FOXP2: variants seen among roughly 807,000 people sequenced by gnomAD.
The protein encoded by FOXP2 is forkhead box protein P2.
FOXP2 carries 12 observed loss-of-function variants against 115.8 expected under a neutral mutation model. That is an observed-to-expected ratio of 0.10 (90% confidence interval 0.07 to 0.17). FOXP2 has a LOEUF of 0.17. Among genes scored for constraint, FOXP2 ranks in the 10% least tolerant of loss-of-function variants. The probability of loss-of-function intolerance (pLI) is 1.00; values close to 1 mark genes in which losing one functional copy is unlikely to be tolerated. For synonymous variants in FOXP2, 328 were observed against 297.7 expected (o/e 1.10, Z -1.05); for missense variants, 629 against 843.5 (o/e 0.75, Z 3.15).
chr7:114,543,748 A>C (rs1189265490), intron 3 of FOXP2, among the ~76,000 whole-genome samples: 1 of 152,216 alleles, frequency 6.6e-6, no homozygotes, highest in Non-Finnish European at 1.5e-5. Context: ...AGAGACTTAG[A>C]GATCACATGT....
At chr7:114,373,094 G>A (rs1792054048) in intron 2 of FOXP2, among the ~76,000 whole-genome samples, 1 of 151,842 alleles carries the variant, frequency 6.6e-6, no homozygotes, top group South Asian at 2.1e-4. Context: ...CCATGTTCAC[G>A]CCATTCTCCT....
At chr7:114,316,089 T>A (rs563718471) in intron 2 of FOXP2, among the ~76,000 whole-genome samples, 10 of 152,216 alleles carry the variant, frequency 6.6e-5, no homozygotes, top group African/African-American at 2.4e-4. Flanking sequence ...CAGTAAGAAC[T>A]GGAACAGGAA....
chr7:114,215,818 C>G (rs1280321496), intron 1 of FOXP2, among the ~76,000 whole-genome samples: 1 of 152,180 alleles, frequency 6.6e-6, no homozygotes, highest in Non-Finnish European at 1.5e-5. Context: ...CTGATAAAAT[C>G]AAGCAATTTC....
At chr7:114,137,793 C>G (rs891777034) in intron 1 of FOXP2, among the ~76,000 whole-genome samples, 2 of 152,030 alleles carry the variant, frequency 1.3e-5, no homozygotes, top group Admixed American at 6.5e-5. Flanking sequence ...AATATAAATA[C>G]AAATGATTAC....
intron 2 of FOXP2, among the ~76,000 whole-genome samples, chr7:114,431,783 A>C (rs1381831122): frequency 6.6e-6 from 1 of 151,982 alleles, no homozygotes; most frequent in Non-Finnish European, 1.5e-5. Flanking sequence ...TTTTAATATG[A>C]TAACAGCCTA....
At chr7:114,524,048 A>AT (rs1798749165) in intron 2 of FOXP2, among the ~76,000 whole-genome samples, 1 of 152,164 alleles carries the variant, frequency 6.6e-6, no homozygotes, top group African/African-American at 2.4e-5. Flanking sequence ...GGAATCTTCT[A>AT]TTTTATCTGG....
chr7:114,217,241 A>G (rs984913649), intron 1 of FOXP2, among the ~76,000 whole-genome samples: 2 of 152,176 alleles, frequency 1.3e-5, no homozygotes, highest in African/African-American at 4.8e-5. Flanking sequence ...GGCCTTGAAG[A>G]ATAGCATTTA....
At chr7:114,546,467 T>G (rs1201924102) in intron 3 of FOXP2, among the ~76,000 whole-genome samples, 1 of 152,252 alleles carries the variant, frequency 6.6e-6, no homozygotes. Flanking sequence ...TATTCATTCC[T>G]TCATTCATTC....
chr7:114,534,578 C>T, intron 2 of FOXP2, 39 bp from the exon 3 acceptor site: 2 of 1,558,410 alleles, frequency 1.3e-6, no homozygotes, highest in Non-Finnish European at 1.8e-6. Context: ...ACTTAACTTT[C>T]AACAAAATAT....
chr7:114,479,317 C>T (rs1796421786), intron 2 of FOXP2, among the ~76,000 whole-genome samples: 1 of 151,458 alleles, frequency 6.6e-6, no homozygotes, highest in South Asian at 2.1e-4. Flanking sequence ...CATATTATTT[C>T]TGGAAATATA....
At chr7:114,474,491 T>C (rs1016807969) in intron 2 of FOXP2, among the ~76,000 whole-genome samples, 2 of 152,176 alleles carry the variant, frequency 1.3e-5, no homozygotes, top group Non-Finnish European at 2.9e-5. Flanking sequence ...AGAGCTATTA[T>C]TCTCGTTGTA....
chr7:114,268,985 A>C (rs897634002), intron 1 of FOXP2, among the ~76,000 whole-genome samples: 1 of 152,214 alleles, frequency 6.6e-6, no homozygotes, highest in Admixed American at 6.5e-5. Flanking sequence ...ATTAATTATC[A>C]GTTATAAAAG....
At position 114,325,454 on chromosome 7, in the gene FOXP2, C is replaced by T. The variant is rs549683360; in HGVS notation, c.-11+37345C>T. Among the ~76,000 whole-genome samples the T allele has an allele frequency of 9.2e-5, 14 of 151,812 alleles. No individual in the cohort carries two copies. The South Asian group carries it at 2.9e-3, about 32-fold the overall frequency. ...CTGGATCACATGGTAAATTTCAGAA[C>T]ATGGTGGGATATATGAAGTTAAAAT... On this transcript the variant is annotated intron_variant, in intron 2 of 17. Transcript: ENST00000634411.
intron 2 of FOXP2, among the ~76,000 whole-genome samples, chr7:114,478,041 A>G (rs748569327): frequency 2.6e-5 from 4 of 151,876 alleles, no homozygotes; most frequent in Non-Finnish European, 5.9e-5. Context: ...ATTTATAGCT[A>G]GACACTTATG....
intron 2 of FOXP2, among the ~76,000 whole-genome samples, chr7:114,376,401 C>T (rs1033166200): frequency 6.6e-6 from 1 of 152,174 alleles, no homozygotes; most frequent in African/African-American, 2.4e-5. Flanking sequence ...TCACCTACTC[C>T]ACAGAGCTGT....
chr7:114,256,880 T>A (rs1795627132), intron 1 of FOXP2, among the ~76,000 whole-genome samples: 1 of 152,176 alleles, frequency 6.6e-6, no homozygotes, highest in Non-Finnish European at 1.5e-5. Flanking sequence ...CCAAAGTAAT[T>A]TATAGATTCA....
intron 2 of FOXP2, among the ~76,000 whole-genome samples, chr7:114,487,361 GC>G (rs1157405045): frequency 6.6e-6 from 1 of 152,110 alleles, no homozygotes; most frequent in Non-Finnish European, 1.5e-5. Flanking sequence ...CAGCAGGGGG[GC>G]CCTGGACCCA....
At chr7:114,337,627 G>T (rs576228460) in intron 2 of FOXP2, among the ~76,000 whole-genome samples, 1 of 150,954 alleles carries the variant, frequency 6.6e-6, no homozygotes, top group Non-Finnish European at 1.5e-5. Context: ...ATAAAGACTG[G>T]GGTAAATGGT....
chr7:114,642,812 A>ATTTTTT (rs869136743), intron 7 of FOXP2, among the ~76,000 whole-genome samples, 189 bp downstream of exon 7: 4 of 72,434 alleles, frequency 5.5e-5, no homozygotes, highest in Admixed American at 2.0e-4. Context: ...ATATATATAT[A>ATTTTTT]TTTTTTTTTT....
Sources: gnomAD v4.1 joint callset for allele counts (sites outside exome capture counted in the v4.1 genomes callset) on GRCh38, gnomAD v4.1.1 for gene constraint, MANE v1.5 for transcripts, NCBI Gene and HGNC (gene_info 2026-07-23, HGNC 2026-07-21) for gene names.